The following TMEFF1 variants were observed in gnomAD, a reference collection of about 807,000 sequenced individuals.
The protein encoded by TMEFF1 is transmembrane protein with EGF like and two follistatin like domains 1.
In TMEFF1, 20 loss-of-function variants were observed where a neutral mutation model predicts 47.5. That is an observed-to-expected ratio of 0.42 (90% CI 0.30 to 0.61). The LOEUF is 0.61. Among genes scored for constraint, TMEFF1 ranks in the 20% least tolerant of loss-of-function variants. The pLI is 0.19. For synonymous variants in TMEFF1, 162 were observed against 166.3 expected, an observed-to-expected ratio of 0.97 and a Z score of 0.20; for missense variants, 411 against 471.1, an observed-to-expected ratio of 0.87 and a Z score of 1.18.
At chr9:100,477,648 TG>T (rs1445900471) in intron 1 of TMEFF1, among the ~76,000 whole-genome samples, 1 of 138,986 alleles carries the variant, frequency 7.2e-6, no homozygotes, top group Non-Finnish European at 1.5e-5. Flanking sequence ...TTTTTTGAGA[TG>T]GAGTCTTGCT....
intron 8 of TMEFF1, among the ~76,000 whole-genome samples, chr9:100,562,251 C>T (rs912031758): frequency 2.6e-5 from 4 of 152,018 alleles, no homozygotes; most frequent in Non-Finnish European, 4.4e-5. Flanking sequence ...TGACCAGATC[C>T]TTTTTTTCCT....
intron 4 of TMEFF1, among the ~76,000 whole-genome samples, chr9:100,516,374 C>T (rs571146233): frequency 6.6e-6 from 1 of 152,188 alleles, no homozygotes; most frequent in Non-Finnish European, 1.5e-5. Flanking sequence ...CTCCCTTATT[C>T]AGTGTTATAT....
chr9:100,494,152 A>G (rs927811931), intron 1 of TMEFF1, among the ~76,000 whole-genome samples: 1 of 148,694 alleles, frequency 6.7e-6, no homozygotes, highest in African/African-American at 2.5e-5. Flanking sequence ...GGTTGCAGTG[A>G]GCCGTGTTCA....
intron 1 of TMEFF1, among the ~76,000 whole-genome samples, chr9:100,495,644 C>T (rs1295400473): frequency 1.3e-5 from 2 of 152,156 alleles, no homozygotes; most frequent in Non-Finnish European, 2.9e-5. Context: ...AAACTAATCA[C>T]ATTTATGCAT....
intron 5 of TMEFF1, among the ~76,000 whole-genome samples, chr9:100,531,130 A>G (rs1231465878): frequency 1.3e-5 from 2 of 152,312 alleles, no homozygotes; most frequent in East Asian, 3.9e-4. Context: ...AGCCAATATC[A>G]TACTGAATGA....
chr9:100,550,217 G>A (rs1288857145), intron 7 of TMEFF1, 57 bp downstream of exon 7: 1 of 1,556,176 alleles, frequency 6.4e-7, no homozygotes, highest in Non-Finnish European at 8.7e-7. Flanking sequence ...GTCACTAGCT[G>A]TCCTTATTAG....
rs1345192239 is a variant in TMEFF1, at chr9:100,546,569, C to T, written c.561-1175C>T. On this transcript the variant is annotated intron_variant, in intron 5 of 9. Coordinates refer to ENST00000374879, the MANE Select transcript of TMEFF1 (RefSeq NM_003692.5). ...TGGTAATTGAATTTACCCAGTTTGG[C>T]AAATGCCTTCAAAGTGAAAATCAGC... Among the ~76,000 whole-genome samples the T allele has an allele frequency of 2.0e-5, 3 of 152,178 alleles. No homozygotes were observed. In the East Asian group the frequency reaches 5.8e-4, roughly 29 times the overall value.
intron 7 of TMEFF1, among the ~76,000 whole-genome samples, chr9:100,552,302 G>A (rs1838838870): frequency 6.6e-6 from 1 of 152,128 alleles, no homozygotes; most frequent in Non-Finnish European, 1.5e-5. Flanking sequence ...ATGGAGGCAG[G>A]GATATCAGTT....
intron 2 of TMEFF1, among the ~76,000 whole-genome samples, chr9:100,504,623 C>A (rs1329437692): frequency 6.6e-6 from 1 of 152,198 alleles, no homozygotes; most frequent in African/African-American, 2.4e-5. Context: ...ATTTAATCTT[C>A]ATAACAACTT....
At chr9:100,496,053 T>A (rs374220185) in intron 1 of TMEFF1, among the ~76,000 whole-genome samples, 17 of 152,220 alleles carry the variant, frequency 1.1e-4, no homozygotes, top group African/African-American at 3.1e-4. Flanking sequence ...TTTCTCCCCA[T>A]GTATTATGTC....
chr9:100,474,705 T>C (rs1377424095), intron 1 of TMEFF1, among the ~76,000 whole-genome samples: 3 of 151,952 alleles, frequency 2.0e-5, no homozygotes, highest in Non-Finnish European at 2.9e-5. Flanking sequence ...GAAGATGTCG[T>C]GCCTGTGTGT....
At chr9:100,498,040 T>C (rs944278302) in intron 1 of TMEFF1, among the ~76,000 whole-genome samples, 1 of 152,150 alleles carries the variant, frequency 6.6e-6, no homozygotes, top group Non-Finnish European at 1.5e-5. Context: ...CTTTCACTGA[T>C]TGGCAGCTTC....
rs534311932 is a variant in TMEFF1, at chr9:100,500,088, T to C, written c.306+1214T>C. Among the ~76,000 whole-genome samples, 4 of 152,350 alleles carry C rather than the reference T, an allele frequency of 2.6e-5. No homozygotes were observed. In the South Asian group the frequency reaches 8.3e-4, roughly 32 times the overall value. Reference sequence around the variant, plus strand: ...TTTCTTTGCCAAGAGCACCTTTCCATAGAGCTCTGCATAGCATGGAAGGTG... The same window carrying C: ...TTTCTTTGCCAAGAGCACCTTTCCACAGAGCTCTGCATAGCATGGAAGGTG... On this transcript the variant is annotated intron_variant, in intron 2 of 9. Transcript: ENST00000374879.
intron 5 of TMEFF1, among the ~76,000 whole-genome samples, chr9:100,528,293 G>A (rs1431024789): frequency 6.6e-6 from 1 of 150,578 alleles, no homozygotes; most frequent in Non-Finnish European, 1.5e-5. Context: ...AAATTACTCT[G>A]AGCTACGGGA....
chr9:100,572,698 ATCAACT>A, intron 9 of TMEFF1, 22 bp downstream of exon 9: 1 of 1,584,862 alleles, frequency 6.3e-7, no homozygotes, highest in Non-Finnish European at 8.6e-7. Flanking sequence ...TGTAAGAAAT[ATCAACT>A]TTAAATTAGA....
Position 100,554,580 on chromosome 9 carries a change from T to C in TMEFF1, c.775+4420T>C, listed in dbSNP as rs1476329946. On this transcript the variant is annotated intron_variant, in intron 7 of 9. Transcript: ENST00000374879. ...AGAAAAGGTGTTTCTCTGGGCACAG[T>C]GGGCAGGCTAGGAAAGGAGGAATCA... Among the ~76,000 whole-genome samples the C allele has an allele frequency of 2.6e-5, 4 of 151,782 alleles. No individual in the cohort carries two copies. In the East Asian group the frequency reaches 7.8e-4, roughly 29 times the overall value.
At chr9:100,509,195 G>A (rs1837915877) in intron 3 of TMEFF1, 61 bp downstream of exon 3, 1 of 1,419,510 alleles carries the variant, frequency 7.0e-7, no homozygotes, top group Non-Finnish European at 9.2e-7. Context: ...TTCTAAAAGG[G>A]GGTTTTGAGT....
At chr9:100,475,756 T>TGTGTGTGTGTGTG (rs1837214062) in intron 1 of TMEFF1, among the ~76,000 whole-genome samples, 1 of 148,732 alleles carries the variant, frequency 6.7e-6, no homozygotes, top group South Asian at 2.1e-4. Context: ...TGTGTGTGTG[T>TGTGTGTGTGTGTG]TCTTTGGGTT....
chr9:100,491,214 A>G (rs1393176193), intron 1 of TMEFF1, among the ~76,000 whole-genome samples: 1 of 152,178 alleles, frequency 6.6e-6, no homozygotes, highest in Non-Finnish European at 1.5e-5. Context: ...TATAGAGATC[A>G]TGGAATTGTT....
Sources: gnomAD v4.1 joint callset for allele counts (sites outside exome capture counted in the v4.1 genomes callset) on GRCh38, gnomAD v4.1.1 for gene constraint, MANE v1.5 for transcripts, NCBI Gene and HGNC (gene_info 2026-07-23, HGNC 2026-07-21) for gene names.